Variants in ALPK2 observed in about 807,000 individuals in gnomAD.
ALPK2 encodes the protein alpha kinase 2, also known as alpha-protein kinase 2.
Under a neutral mutation model 163.1 loss-of-function variants are expected in ALPK2, and 127 were observed. That is an observed-to-expected ratio of 0.78 (90% CI 0.67 to 0.90). The LOEUF (loss-of-function observed/expected upper bound fraction) is 0.90. Among genes scored for constraint, ALPK2 ranks in the 40% least tolerant of loss-of-function variants. The probability of loss-of-function intolerance (pLI) is 0.00; values close to 1 mark genes in which losing one functional copy is unlikely to be tolerated. For missense variants in ALPK2, 2,360 were observed against 2,589.6 expected (o/e 0.91, Z 1.92); for synonymous variants, 953 against 959.1 (o/e 0.99, Z 0.12).
At chr18:58,491,650 CA>C (rs1453723908) in intron 12 of ALPK2, among the ~76,000 whole-genome samples, 2 of 152,190 alleles carry the variant, frequency 1.3e-5, no homozygotes, top group African/African-American at 4.8e-5. Context: ...TCCCGACCCC[CA>C]ATCCCCAAAT....
intron 3 of ALPK2, 122 bp downstream of exon 3, chr18:58,607,200 C>T (rs1405917868): frequency 1.7e-6 from 1 of 601,738 alleles, no homozygotes; most frequent in African/African-American, 1.9e-5. Context: ...CTGCCAATGG[C>T]ATCTAAAATT....
intron 10 of ALPK2, among the ~76,000 whole-genome samples, chr18:58,506,486 C>T (rs1033495438): frequency 2.0e-5 from 3 of 152,118 alleles, no homozygotes; most frequent in African/African-American, 4.8e-5. Context: ...ACATCTGCCT[C>T]CTCTCAGTGA....
chr18:58,508,453 A>T (rs1469529275), intron 10 of ALPK2, among the ~76,000 whole-genome samples: 1 of 152,210 alleles, frequency 6.6e-6, no homozygotes, highest in East Asian at 1.9e-4. Context: ...CACAGGATAG[A>T]TAGGAGGTTA....
At chr18:58,542,496 T>C (rs78443474) in intron 4 of ALPK2, among the ~76,000 whole-genome samples, 1 of 152,242 alleles carries the variant, frequency 6.6e-6, no homozygotes, top group Non-Finnish European at 1.5e-5. Flanking sequence ...ATGAGATGAA[T>C]AGCCTAGGTC....
intron 3 of ALPK2, among the ~76,000 whole-genome samples, chr18:58,594,505 C>G (rs2052031621): frequency 6.6e-6 from 1 of 152,096 alleles, no homozygotes. Flanking sequence ...TCTGAAAGGC[C>G]CATCATCTTG....
intron 1 of ALPK2, among the ~76,000 whole-genome samples, chr18:58,625,401 C>T (rs1299156155): frequency 6.6e-6 from 1 of 152,154 alleles, no homozygotes; most frequent in East Asian, 1.9e-4. Flanking sequence ...AGAATAAGCA[C>T]AAATAGGTTT....
chr18:58,524,775 C>A (rs976049257), intron 6 of ALPK2, among the ~76,000 whole-genome samples: 1 of 152,136 alleles, frequency 6.6e-6, no homozygotes, highest in African/African-American at 2.4e-5. Context: ...GTTTACTATT[C>A]TCAGTTTGCA....
chr18:58,624,524 G>A (rs1477339089), intron 1 of ALPK2, among the ~76,000 whole-genome samples: 2 of 151,566 alleles, frequency 1.3e-5, no homozygotes, highest in South Asian at 2.1e-4. Context: ...GCACGATTTC[G>A]GGTCACTGCA....
intron 12 of ALPK2, among the ~76,000 whole-genome samples, chr18:58,488,018 G>A (rs1334273678): frequency 1.3e-5 from 2 of 152,006 alleles, no homozygotes; most frequent in South Asian, 2.1e-4. Context: ...GGAATTTTCT[G>A]CATTTCTACC....
chr18:58,623,429 G>A (rs1288281644), intron 1 of ALPK2, among the ~76,000 whole-genome samples: 1 of 152,020 alleles, frequency 6.6e-6, no homozygotes, highest in African/African-American at 2.4e-5. Context: ...AATAAAAAGG[G>A]CCGTAGGGTG....
intron 3 of ALPK2, among the ~76,000 whole-genome samples, chr18:58,596,391 C>T (rs553965612): frequency 1.3e-5 from 2 of 152,304 alleles, no homozygotes; most frequent in South Asian, 2.1e-4. Context: ...AGCAGGCAGA[C>T]GGGCAAGCAG....
chr18:58,553,010 C>G (rs2051767894), intron 4 of ALPK2, among the ~76,000 whole-genome samples: 1 of 152,036 alleles, frequency 6.6e-6, no homozygotes, highest in African/African-American at 2.4e-5. Flanking sequence ...AATTTGAACA[C>G]AGAGACACAG....
intron 12 of ALPK2, among the ~76,000 whole-genome samples, chr18:58,487,559 C>G (rs1487862359): frequency 6.6e-6 from 1 of 152,172 alleles, no homozygotes; most frequent in African/African-American, 2.4e-5. Context: ...TATTTGAGAT[C>G]TTTTTCAAAT....
chr18:58,494,544 T>A (rs2051391901), intron 12 of ALPK2, among the ~76,000 whole-genome samples: 1 of 152,162 alleles, frequency 6.6e-6, no homozygotes, highest in Non-Finnish European at 1.5e-5. Flanking sequence ...GCCAAATATA[T>A]GGTCCTGATT....
At chr18:58,523,406 C>T (rs546004428) in intron 8 of ALPK2, among the ~76,000 whole-genome samples, 2 of 152,102 alleles carry the variant, frequency 1.3e-5, no homozygotes, top group Non-Finnish European at 2.9e-5. Flanking sequence ...ACAGCATGAT[C>T]TATAGTCCTT....
In ALPK2 at chr18:58,622,125, T is replaced by TCA. The variant is rs759195260; in HGVS notation, c.-21+6637_-21+6638dup. Among the ~76,000 whole-genome samples, 3 of 151,690 alleles carry TCA rather than the reference T, an allele frequency of 2.0e-5. No homozygotes were observed. The East Asian group carries it at 5.8e-4, about 29-fold the overall frequency. ...ATTTTGGGAGGCCGAGGCAGGCAGA[T>TCA]CACCTGAGGTCAGGAGTTCGAGACC... On this transcript the variant is annotated intron_variant, in intron 1 of 12. Transcript: ENST00000361673.
Position 58,536,859 on chromosome 18 carries a change from T to C in ALPK2, c.3328A>G (p.Lys1110Glu). 5 of 1,614,162 alleles carry C rather than the reference T, an allele frequency of 3.1e-6. No individual in the cohort carries two copies. The highest frequency in any genetic ancestry group is 3.4e-6 in the Non-Finnish European group (4 of 1,180,026). The change falls in exon 5 of 13, where the codon AAG becomes GAG. Residue 1110 changes from lysine (K) to glutamate (E), a missense_variant. By Grantham distance (56) the Lys-to-Glu change is moderately conservative. Transcript: ENST00000361673. The part of the protein sequence containing the change: ...PLQVDNLSGD[K>E]SQTVDRADFR... ...TCTGCTCTGTCCACAGTCTGGCTCT[T>C]ATCTCCAGACAGGTTATCAACCTGA... is the stretch of plus-strand genomic sequence containing the variant.
chr18:58,537,195 A>G lies in ALPK2; in HGVS notation c.2992T>C (p.Cys998Arg). Residue 998 changes from cysteine to arginine, a missense_variant, in exon 5 of 13, where the codon TGC becomes CGC. Transcript: ENST00000361673. ...TCAGTCTCCCTGGTCGCTTGAAAGCACTCATTATTAGCAGTTAATGTTGTT... is the reference window on the plus strand; with the variant it reads ...TCAGTCTCCCTGGTCGCTTGAAAGCGCTCATTATTAGCAGTTAATGTTGTT... Reference protein sequence around the residue: ...KPTTLTANNECFQATRETEDT... With the variant: ...KPTTLTANNERFQATRETEDT... The G allele has an allele frequency of 3.1e-6, 5 of 1,613,994 alleles. No individual in the cohort carries two copies. Among genetic ancestry groups the G allele is most frequent in the Non-Finnish European group, 4.2e-6 (5 of 1,179,960 alleles).
intron 4 of ALPK2, among the ~76,000 whole-genome samples, chr18:58,572,600 GA>G (rs571877575): frequency 5.3e-5 from 8 of 151,080 alleles, no homozygotes; most frequent in African/African-American, 1.7e-4. Context: ...GAATTCTGCT[GA>G]AAAAAAAACT....
Sources: allele counts gnomAD v4.1 joint callset (sites outside exome capture counted in the v4.1 genomes callset), GRCh38; gene constraint gnomAD v4.1.1; transcripts MANE v1.5; gene names NCBI Gene and HGNC (gene_info 2026-07-23, HGNC 2026-07-21).